The following PTPRM variants were observed in gnomAD, a reference collection of about 807,000 sequenced individuals.
PTPRM encodes receptor-type tyrosine-protein phosphatase mu.
Under a neutral mutation model 186.7 loss-of-function variants are expected in PTPRM, and 47 were observed. The observed-to-expected ratio is 0.25, with a 90% CI of 0.20 to 0.32. The LOEUF (loss-of-function observed/expected upper bound fraction) is 0.32, where lower values mean the gene tolerates loss of function less well. Among genes scored for constraint, PTPRM ranks in the 10% least tolerant of loss-of-function variants. The pLI is 1.00. For missense variants in PTPRM, 1,494 were observed against 1,865.0 expected (o/e 0.80, Z 3.66); for synonymous variants, 668 against 674.9 (o/e 0.99, Z 0.16).
intron 14 of PTPRM, among the ~76,000 whole-genome samples, chr18:8,235,477 T>TTTTG (rs2094335472): frequency 7.8e-6 from 1 of 128,556 alleles, no homozygotes; most frequent in African/African-American, 2.8e-5. Context: ...TTTTTTTTTT[T>TTTTG]TTAGCCTGGC....
intron 4 of PTPRM, among the ~76,000 whole-genome samples, chr18:7,923,819 G>A (rs189931347): frequency 1.5e-3 from 223 of 152,246 alleles, no homozygotes; most frequent in African/African-American, 5.1e-3. Context: ...ATTTCTTTCT[G>A]CATCTTCTTT....
chr18:7,582,929 G>A (rs912409850), intron 1 of PTPRM, among the ~76,000 whole-genome samples: 5 of 152,348 alleles, frequency 3.3e-5, no homozygotes, highest in Non-Finnish European at 7.3e-5. Context: ...CAAGGTGGCT[G>A]TGCTATTTCC....
chr18:7,926,467 G>A (rs1469421305), intron 4 of PTPRM, 101 bp from the exon 5 acceptor site: 4 of 659,242 alleles, frequency 6.1e-6, no homozygotes, highest in African/African-American at 5.6e-5. Flanking sequence ...TTCCCAAGGT[G>A]AACAAAATTG....
intron 3 of PTPRM, among the ~76,000 whole-genome samples, chr18:7,893,173 C>CT (rs965971103): frequency 4.0e-5 from 6 of 151,860 alleles, no homozygotes; most frequent in African/African-American, 1.2e-4. Flanking sequence ...TTGTGCTTTC[C>CT]TTTTTTTTCT....
chr18:8,102,529 T>C (rs1049145134), intron 11 of PTPRM, among the ~76,000 whole-genome samples: 1 of 152,216 alleles, frequency 6.6e-6, no homozygotes, highest in African/African-American at 2.4e-5. Context: ...TTTCTTTGCT[T>C]ACCCATAGGA....
chr18:7,611,751 A>G (rs1486865903), intron 1 of PTPRM, among the ~76,000 whole-genome samples: 2 of 152,124 alleles, frequency 1.3e-5, no homozygotes, highest in Non-Finnish European at 2.9e-5. Flanking sequence ...TATGAGGGAG[A>G]GTTTCCTTGC....
Position 8,376,575 on chromosome 18 carries a change from G to C in PTPRM, c.3440G>C (p.Arg1147Thr). The change falls in exon 26 of 33, where the codon AGG becomes ACG. Residue 1147 changes from arginine (R) to threonine (T), a missense_variant. Arg to Thr is a moderately conservative substitution (Grantham distance 71). Coordinates refer to ENST00000580170, the MANE Select transcript of PTPRM (RefSeq NM_001105244.2). ...YNCVRELRSRRVNMVQTEEQY... is the reference protein window; with the variant it reads ...YNCVRELRSRTVNMVQTEEQY... Reference sequence around the variant, plus strand: ...TGCGTCAGGGAGCTGCGGTCACGGAGGGTGAACATGGTGCAAACAGAGGTA... The same window carrying C: ...TGCGTCAGGGAGCTGCGGTCACGGACGGTGAACATGGTGCAAACAGAGGTA... 3 of 1,613,608 alleles carry C rather than the reference G, an allele frequency of 1.9e-6. No homozygotes were observed. Among genetic ancestry groups the C allele is most frequent in the Non-Finnish European group, 2.5e-6 (3 of 1,179,934 alleles).
chr18:8,134,038 A>G (rs17397841), intron 13 of PTPRM, among the ~76,000 whole-genome samples: 1 of 152,138 alleles, frequency 6.6e-6, no homozygotes, highest in East Asian at 1.9e-4. Flanking sequence ...GTCAGATGAC[A>G]ATTCTTTAAC....
intron 2 of PTPRM, among the ~76,000 whole-genome samples, chr18:7,790,549 G>A (rs559043465): frequency 6.6e-6 from 1 of 152,274 alleles, no homozygotes; most frequent in South Asian, 2.1e-4. Context: ...TATTTTGAAA[G>A]GGTCTTCTGA....
intron 1 of PTPRM, among the ~76,000 whole-genome samples, chr18:7,599,714 A>T (rs2037352182): frequency 6.6e-6 from 1 of 152,142 alleles, no homozygotes; most frequent in Non-Finnish European, 1.5e-5. Context: ...CTGCCATTTA[A>T]AAAAGCCACC....
chr18:7,919,094 G>A lies in PTPRM; in HGVS notation c.548-7474G>A, dbSNP rs561178268. ...CTCTTAGCACCTTTGTCAAAGACAA[G>A]TTGGCTACAAATGCGTAGATTTATT... On this transcript the variant is annotated intron_variant, in intron 4 of 32. Transcript: ENST00000580170. Among the ~76,000 whole-genome samples, 64 of 152,234 alleles carry A rather than the reference G, an allele frequency of 4.2e-4. 1 individual carries two copies. Among genetic ancestry groups the A allele is most frequent in the South Asian group, 1.7e-3 (8 of 4,834 alleles).
intron 14 of PTPRM, among the ~76,000 whole-genome samples, chr18:8,155,529 A>G (rs977039699): frequency 6.6e-6 from 1 of 152,232 alleles, no homozygotes; most frequent in Non-Finnish European, 1.5e-5. Context: ...TCCTTTCCAT[A>G]ACACATTTAA....
At chr18:7,682,927 C>A (rs971687743) in intron 1 of PTPRM, among the ~76,000 whole-genome samples, 2 of 152,052 alleles carry the variant, frequency 1.3e-5, no homozygotes, top group African/African-American at 4.8e-5. Context: ...TAGTATCCTG[C>A]AGTGGTTTTG....
At chr18:8,389,658 G>A (rs1037736681) in intron 31 of PTPRM, among the ~76,000 whole-genome samples, 2 of 152,188 alleles carry the variant, frequency 1.3e-5, no homozygotes, top group African/African-American at 4.8e-5. Context: ...TAGGCCTGGT[G>A]AGAATGTTTA....
intron 14 of PTPRM, among the ~76,000 whole-genome samples, chr18:8,179,040 T>C (rs2093532894): frequency 6.6e-6 from 1 of 152,090 alleles, no homozygotes; most frequent in Non-Finnish European, 1.5e-5. Context: ...ATACAGAAGG[T>C]ATGAGGCCAG....
At chr18:8,054,190 C>T (rs1294934644) in intron 7 of PTPRM, among the ~76,000 whole-genome samples, 4 of 150,634 alleles carry the variant, frequency 2.7e-5, no homozygotes, top group Non-Finnish European at 5.9e-5. Context: ...GATTATGGCA[C>T]GATGTTGATT....
chr18:8,149,467 T>C lies in PTPRM; in HGVS notation c.2300+5688T>C, dbSNP rs150068115. ...AAGTCTGTTTTATCAGAGACTAGGA[T>C]TGTAACTCCTGATTTTTTTCGCTTT... On this transcript the variant is annotated intron_variant, in intron 14 of 32. Transcript: ENST00000580170. Among the ~76,000 whole-genome samples, 1,298 of 151,102 alleles carry C rather than the reference T, an allele frequency of 8.6e-3. 10 individuals are homozygous for C. Among genetic ancestry groups the C allele is most frequent in the Non-Finnish European group, 0.013 (897 of 68,014 alleles).
At chr18:8,142,935 T>G (rs1232652140) in intron 13 of PTPRM, among the ~76,000 whole-genome samples, 2 of 152,288 alleles carry the variant, frequency 1.3e-5, no homozygotes, top group East Asian at 1.9e-4. Flanking sequence ...GTCTCATGTT[T>G]TAGACATGAG....
chr18:8,101,135 A>G (rs1055888429), intron 11 of PTPRM, among the ~76,000 whole-genome samples: 1 of 152,226 alleles, frequency 6.6e-6, no homozygotes, highest in Non-Finnish European at 1.5e-5. Context: ...TCCAGGGAGT[A>G]AAAGTGCAAT....
Sources: allele counts gnomAD v4.1 joint callset (sites outside exome capture counted in the v4.1 genomes callset), GRCh38; gene constraint gnomAD v4.1.1; transcripts MANE v1.5; gene names NCBI Gene and HGNC (gene_info 2026-07-23, HGNC 2026-07-21).